Variants in CRYL1 observed in about 807,000 individuals in gnomAD.
CRYL1 encodes crystallin lambda 1, also known as lambda-crystallin homolog.
Under a neutral mutation model 36.6 loss-of-function variants are expected in CRYL1, and 29 were observed. That is an observed-to-expected ratio of 0.79 (90% CI 0.59 to 1.08). CRYL1 has a LOEUF of 1.08. Ranked by LOEUF, CRYL1 falls within the 50% of genes least tolerant of loss-of-function variation. CRYL1 has a pLI of 0.00. For missense variants in CRYL1, 411 were observed against 407.9 expected (o/e 1.01, Z -0.06); for synonymous variants, 152 against 151.5 (o/e 1.00, Z -0.02).
intron 3 of CRYL1, among the ~76,000 whole-genome samples, chr13:20,450,654 G>A (rs71426013): frequency 0.046 from 6,976 of 152,156 alleles, 334 homozygotes; most frequent in Admixed American, 0.16. Flanking sequence ...ACAGTGTGGC[G>A]ATTCCTCAAG....
intron 5 of CRYL1, among the ~76,000 whole-genome samples, chr13:20,419,306 A>G (rs1293256746): frequency 1.3e-5 from 2 of 152,008 alleles, no homozygotes; most frequent in African/African-American, 2.4e-5. Flanking sequence ...TATTATTATT[A>G]TTTTGAAATG....
intron 3 of CRYL1, among the ~76,000 whole-genome samples, chr13:20,485,167 A>C (rs748320468): frequency 2.0e-5 from 3 of 151,988 alleles, no homozygotes; most frequent in Non-Finnish European, 4.4e-5. Context: ...ACAGGCATAC[A>C]CCACCACGCC....
Position 20,420,057 on chromosome 13 carries a change from G to A in CRYL1, c.634-6670C>T, listed in dbSNP as rs933878641. The stretch of plus-strand genomic sequence containing the variant: ...TTTGTGAGCTGCTTGGCCTGTTGCC[G>A]GCACTTACAAGCTTTCTTGGAAGCA... On this transcript the variant is annotated intron_variant, in intron 5 of 7. Coordinates refer to ENST00000298248, the MANE Select transcript of CRYL1 (RefSeq NM_015974.3). Among the ~76,000 whole-genome samples, 3 of 152,242 alleles carry A rather than the reference G, an allele frequency of 2.0e-5. No homozygotes were observed. The East Asian group carries it at 5.8e-4, about 29-fold the overall frequency.
intron 3 of CRYL1, among the ~76,000 whole-genome samples, chr13:20,447,448 C>G (rs1029904088): frequency 2.6e-5 from 4 of 152,088 alleles, no homozygotes; most frequent in African/African-American, 9.7e-5. Flanking sequence ...GCCAGGAGCA[C>G]TGAGTAGGTC....
At position 20,524,685 on chromosome 13, in the gene CRYL1, A is replaced by C. The variant is rs562374467; in HGVS notation, c.41+1069T>G. Among the ~76,000 whole-genome samples the C allele has an allele frequency of 2.0e-5, 3 of 152,234 alleles. No homozygotes were observed. The East Asian group carries it at 5.8e-4, about 29-fold the overall frequency. On this transcript the variant is annotated intron_variant, in intron 1 of 7. Coordinates refer to ENST00000298248, the MANE Select transcript of CRYL1 (RefSeq NM_015974.3). ...AGCCACCGCGCGCGGCCCAAAGTGC[A>C]CTTTTTAATATGCCTTCACTATTCA...
At chr13:20,516,153 T>C (rs965768894) in intron 1 of CRYL1, among the ~76,000 whole-genome samples, 3 of 137,688 alleles carry the variant, frequency 2.2e-5, no homozygotes, top group African/African-American at 8.3e-5. Context: ...ATGGCACCAC[T>C]TCACTCCAGC....
intron 3 of CRYL1, among the ~76,000 whole-genome samples, chr13:20,456,541 A>AG (rs1370607759): frequency 6.6e-6 from 1 of 151,142 alleles, no homozygotes; most frequent in East Asian, 1.9e-4. Context: ...GCTTGAGCCC[A>AG]GGAGTTCCAG....
intron 3 of CRYL1, among the ~76,000 whole-genome samples, chr13:20,460,749 T>C (rs2032798694): frequency 6.6e-6 from 1 of 152,082 alleles, no homozygotes; most frequent in Admixed American, 6.5e-5. Context: ...ATGGTCTCGA[T>C]CTCCTGACAT....
intron 2 of CRYL1, among the ~76,000 whole-genome samples, chr13:20,497,161 T>C (rs1020510422): frequency 2.0e-5 from 3 of 151,916 alleles, no homozygotes; most frequent in Admixed American, 6.6e-5. Context: ...CCAACCACAA[T>C]AGGCCAGACA....
intron 3 of CRYL1, among the ~76,000 whole-genome samples, chr13:20,483,589 G>A (rs548523512): frequency 5.3e-5 from 8 of 152,234 alleles, no homozygotes; most frequent in Admixed American, 3.3e-4. Context: ...ACCCAGGCTG[G>A]AGTACAGTGG....
At chr13:20,439,531 G>GAAAA in intron 4 of CRYL1, 62 bp downstream of exon 4, 1 of 489,456 alleles carries the variant, frequency 2.0e-6, no homozygotes, top group South Asian at 3.4e-5. Context: ...AAAAAAAAAA[G>GAAAA]AAAAAAAAAA....
intron 2 of CRYL1, among the ~76,000 whole-genome samples, chr13:20,501,130 C>G (rs2033695813): frequency 6.6e-6 from 1 of 152,226 alleles, no homozygotes; most frequent in South Asian, 2.1e-4. Flanking sequence ...TTGGCTGCAG[C>G]AGCCGATTAA....
intron 2 of CRYL1, among the ~76,000 whole-genome samples, chr13:20,507,632 G>A (rs551943587): frequency 5.1e-4 from 78 of 152,252 alleles, no homozygotes; most frequent in Middle Eastern, 3.4e-3. Flanking sequence ...AAAAGTCCAC[G>A]CCCAGGCTGG....
At chr13:20,518,078 T>C (rs982858921) in intron 1 of CRYL1, among the ~76,000 whole-genome samples, 2 of 151,768 alleles carry the variant, frequency 1.3e-5, no homozygotes, top group African/African-American at 4.8e-5. Context: ...GAAAAAGCCA[T>C]GGTTATCAAG....
intron 6 of CRYL1, among the ~76,000 whole-genome samples, chr13:20,405,316 C>T (rs1041352591): frequency 1.3e-5 from 2 of 152,136 alleles, no homozygotes; most frequent in Admixed American, 1.3e-4. Flanking sequence ...TGCATGCCAC[C>T]TCTGCTGGTG....
At chr13:20,428,480 C>A (rs950499361) in intron 5 of CRYL1, among the ~76,000 whole-genome samples, 1 of 151,246 alleles carries the variant, frequency 6.6e-6, no homozygotes, top group Non-Finnish European at 1.5e-5. Flanking sequence ...AATTTAGATG[C>A]AAAAAAAAAT....
intron 3 of CRYL1, among the ~76,000 whole-genome samples, chr13:20,444,569 T>G (rs1188373886): frequency 6.6e-6 from 1 of 152,254 alleles, no homozygotes; most frequent in African/African-American, 2.4e-5. Flanking sequence ...AATGATGTTT[T>G]TGTACCGTTT....
intron 3 of CRYL1, among the ~76,000 whole-genome samples, chr13:20,472,759 G>A (rs1224461614): frequency 6.6e-6 from 1 of 152,178 alleles, no homozygotes; most frequent in Non-Finnish European, 1.5e-5. Context: ...GTGGGGATTC[G>A]CTCTGCTCGA....
chr13:20,517,087 G>T (rs1489246215), intron 1 of CRYL1, among the ~76,000 whole-genome samples: 1 of 151,978 alleles, frequency 6.6e-6, no homozygotes, highest in Non-Finnish European at 1.5e-5. Context: ...TAAAAAAGAA[G>T]GTAATCTTGC....
Sources: allele counts gnomAD v4.1 joint callset (sites outside exome capture counted in the v4.1 genomes callset), GRCh38; gene constraint gnomAD v4.1.1; transcripts MANE v1.5; gene names NCBI Gene and HGNC (gene_info 2026-07-23, HGNC 2026-07-21).